Variants in DIXDC1 observed in about 807,000 individuals in gnomAD.
The protein encoded by DIXDC1 is DIX domain containing 1.
DIXDC1 carries 64 observed loss-of-function variants against 103.1 expected under a neutral mutation model. The observed-to-expected ratio is 0.62, with a 90% CI of 0.51 to 0.76. The LOEUF (loss-of-function observed/expected upper bound fraction) is 0.76. Among genes scored for constraint, DIXDC1 ranks in the 30% least tolerant of loss-of-function variants. DIXDC1 has a pLI of 0.00. For missense variants in DIXDC1, 759 were observed against 834.2 expected, an observed-to-expected ratio of 0.91 and a Z score of 1.11; for synonymous variants, 266 against 298.5, an observed-to-expected ratio of 0.89 and a Z score of 1.12.
chr11:111,970,602 C>T (rs1201364468), intron 3 of DIXDC1, among the ~76,000 whole-genome samples: 6 of 150,610 alleles, frequency 4.0e-5, no homozygotes, highest in African/African-American at 1.5e-4. Flanking sequence ...GCCGAGGTTC[C>T]AGTGAGCCAA....
rs1555174632 is a variant in DIXDC1 at position 111,992,432 on chromosome 11, A to T, written c.1131A>T (p.Arg377Ser). ...LQGIKDALQQRLTQQDTSVLQ... is the reference protein window; with the variant it reads ...LQGIKDALQQSLTQQDTSVLQ... ...TCCCCTAGGATGCCTTGCAGCAGAG[A>T]TTGACTCAGCAGGACACATCTGTTC... The change falls in exon 11 of 20, where the codon AGA (arginine) becomes AGT (serine). Residue 377 changes from arginine (R) to serine (S), a missense_variant. By Grantham distance (110) the Arg-to-Ser change is moderately radical. Transcript: ENST00000440460. 20 of 1,581,216 alleles carry T rather than the reference A, an allele frequency of 1.3e-5. No homozygotes were observed. Among genetic ancestry groups the T allele is most frequent in the Non-Finnish European group, 1.7e-5 (20 of 1,162,880 alleles).
At chr11:111,930,309 G>T (rs1450155532) in intron 2 of DIXDC1, among the ~76,000 whole-genome samples, 1 of 151,830 alleles carries the variant, frequency 6.6e-6, no homozygotes, top group Admixed American at 6.6e-5. Flanking sequence ...AAATATTCTT[G>T]CAGTCACTAT....
intron 17 of DIXDC1, among the ~76,000 whole-genome samples, chr11:112,012,139 G>T (rs1555177263): frequency 6.6e-6 from 1 of 152,176 alleles, no homozygotes; most frequent in African/African-American, 2.4e-5. Flanking sequence ...TTCCACAAAT[G>T]ATCTATAGCT....
At chr11:111,994,082 C>T (rs1020126474) in intron 14 of DIXDC1, among the ~76,000 whole-genome samples, 2 of 152,178 alleles carry the variant, frequency 1.3e-5, no homozygotes, top group Admixed American at 1.3e-4. Flanking sequence ...GGCATAGAGT[C>T]AGGCTCAAAA....
chr11:111,993,587 A>G lies in DIXDC1; in HGVS notation c.1364A>G (p.Gln455Arg), dbSNP rs782803707. The G allele has an allele frequency of 2.4e-5, 38 of 1,613,930 alleles. No homozygotes were observed. Among genetic ancestry groups the G allele is most frequent in the Non-Finnish European group, 3.0e-5 (35 of 1,179,906 alleles). Reference sequence around the variant, plus strand: ...AAACTCTCTGATGTCAGTTACCACCAGGTCAGAACATATTCAGCCACTGAC... The same window carrying G: ...AAACTCTCTGATGTCAGTTACCACCGGGTCAGAACATATTCAGCCACTGAC... ...LRKLSDVSYH[Q>R]VDLERELEHK... Residue 455 changes from glutamine (Q) to arginine (R), a missense_variant and splice_region_variant, in exon 13 of 20, where the codon CAG becomes CGG. Physicochemically the swap from Gln to Arg is conservative, Grantham distance 43 (BLOSUM62 1). Coordinates refer to ENST00000440460, the MANE Select transcript of DIXDC1 (RefSeq NM_001037954.4).
intron 1 of DIXDC1, 136 bp from the exon 2 acceptor site, chr11:111,964,413 T>G (rs939844413): frequency 3.2e-6 from 3 of 938,328 alleles, no homozygotes; most frequent in Non-Finnish European, 3.1e-6. Context: ...TCTTCTCTCT[T>G]TCCTCAAAAA....
At chr11:111,948,845 C>T (rs1429626354) in intron 1 of DIXDC1, among the ~76,000 whole-genome samples, 2 of 152,194 alleles carry the variant, frequency 1.3e-5, no homozygotes, top group African/African-American at 2.4e-5. Context: ...GATCAGAGGA[C>T]GCAGCTCTTT....
chr11:111,966,473 G>A (rs1178176002), intron 2 of DIXDC1, among the ~76,000 whole-genome samples: 16 of 140,568 alleles, frequency 1.1e-4, no homozygotes, highest in Admixed American at 3.0e-4. Context: ...GCGCAATCTC[G>A]GCTCACTGCA....
Position 111,968,646 on chromosome 11 carries a change from C to A in DIXDC1, c.316+8C>A. 1 of 1,604,362 alleles carries A rather than the reference C, an allele frequency of 6.2e-7. No homozygotes were observed. Among genetic ancestry groups the A allele is most frequent in the Non-Finnish European group, 8.5e-7 (1 of 1,175,148 alleles). ...ACCAGACTTCGGCTAAAGGTCAGTG[C>A]CTCATCACATCCTTGGTGCATGAGT... On this transcript the variant is annotated splice_region_variant and intron_variant, in intron 3 of 19. Transcript: ENST00000440460.
chr11:112,015,410 TTTAA>T (rs1592635958), intron 17 of DIXDC1: 1 of 152,170 alleles, frequency 6.6e-6, no homozygotes, highest in East Asian at 1.9e-4. Context: ...TTAGTAACAG[TTTAA>T]TTATTAATTT....
chr11:111,953,111 A>G (rs1164172817), intron 1 of DIXDC1, among the ~76,000 whole-genome samples: 3 of 152,374 alleles, frequency 2.0e-5, no homozygotes, highest in Non-Finnish European at 2.9e-5. Flanking sequence ...ACAAATTAGT[A>G]TCAATACTAT....
At chr11:111,968,114 T>C (rs587628100) in intron 2 of DIXDC1, among the ~76,000 whole-genome samples, 6 of 152,386 alleles carry the variant, frequency 3.9e-5, no homozygotes, top group African/African-American at 9.6e-5. Flanking sequence ...TATGAAATTA[T>C]ATTAAACACT....
At chr11:111,985,437 T>G in intron 8 of DIXDC1, 116 bp downstream of exon 8, 1 of 789,864 alleles carries the variant, frequency 1.3e-6, no homozygotes, top group Non-Finnish European at 2.0e-6. Context: ...CCAGTTCTGG[T>G]TTTCCTCCTA....
upstream of DIXDC1, among the ~76,000 whole-genome samples, chr11:111,936,306 G>A (rs1555168090): frequency 6.6e-6 from 1 of 152,226 alleles, no homozygotes; most frequent in Non-Finnish European, 1.5e-5. Context: ...TTTGCACTGA[G>A]TTGCAAATGA....
chr11:111,951,984 G>A (rs1338439822), intron 1 of DIXDC1, among the ~76,000 whole-genome samples: 1 of 151,628 alleles, frequency 6.6e-6, no homozygotes. Flanking sequence ...TCCTACCTCA[G>A]CCTCCTGAGA....
intron 17 of DIXDC1, among the ~76,000 whole-genome samples, chr11:111,997,776 T>C (rs1016306519): frequency 1.3e-5 from 2 of 152,238 alleles, no homozygotes; most frequent in Admixed American, 6.5e-5. Context: ...TTATTTAAAG[T>C]ACTACAAATA....
upstream of DIXDC1, among the ~76,000 whole-genome samples, chr11:111,935,281 T>C (rs587752091): frequency 6.6e-6 from 1 of 152,324 alleles, no homozygotes; most frequent in South Asian, 2.1e-4. Flanking sequence ...CTAGCCTTGG[T>C]TGCTTTTTCT....
chr11:111,966,825 C>T (rs972308335), intron 2 of DIXDC1, among the ~76,000 whole-genome samples: 1 of 152,178 alleles, frequency 6.6e-6, no homozygotes, highest in Admixed American at 6.5e-5. Flanking sequence ...TTTAATCTGC[C>T]CTTATCAGGC....
At chr11:111,928,689 A>C (rs1045256818) in intron 1 of DIXDC1, among the ~76,000 whole-genome samples, 3 of 150,294 alleles carry the variant, frequency 2.0e-5, no homozygotes, top group Admixed American at 6.6e-5. Flanking sequence ...CTTGAACCCG[A>C]GAGGCGAGGC....
Sources: allele counts gnomAD v4.1 joint callset (sites outside exome capture counted in the v4.1 genomes callset), GRCh38; gene constraint gnomAD v4.1.1; transcripts MANE v1.5; gene names NCBI Gene and HGNC (gene_info 2026-07-23, HGNC 2026-07-21).